The following BOK variants were observed in gnomAD, a reference collection of about 807,000 sequenced individuals.
BOK encodes the protein BCL2 family apoptosis regulator BOK.
A neutral mutation model predicts 18.3 loss-of-function variants in BOK; 20 were observed. That is an observed-to-expected ratio of 1.09 (90% CI 0.77 to 1.59). BOK has a LOEUF of 1.59. BOK is among the 40% of genes most tolerant of loss of function. The pLI, the probability that BOK is intolerant of heterozygous loss-of-function variation, is 0.00. For synonymous variants in BOK, 173 were observed against 142.4 expected, an observed-to-expected ratio of 1.21 and a Z score of -1.53; for missense variants, 348 against 307.9, an observed-to-expected ratio of 1.13 and a Z score of -0.97.
rs2125054930 is a variant in BOK at position 241,570,103 on chromosome 2, T to C, written c.350-22T>C. The C allele has an allele frequency of 1.9e-6, 3 of 1,606,582 alleles. No homozygotes were observed. In the South Asian group the frequency reaches 3.3e-5, roughly 18 times the overall value. ...CGTGGGCGGGATTCAAGTCCTGATC[T>C]TGACCATCTCTCTCCCTGCAGGCAT... On this transcript the variant is annotated intron_variant, in intron 3 of 4. Coordinates refer to ENST00000318407, the MANE Select transcript of BOK (RefSeq NM_032515.5).
rs1010798570 is a variant in BOK, at chr2:241,562,939, G to T, written c.349+463G>T. On this transcript the variant is annotated intron_variant, in intron 3 of 4. Transcript: ENST00000318407. This position sits in a 1 kb window ranked among gnomAD's most constrained non-coding sequence, Gnocchi z 4.5. The stretch of plus-strand genomic sequence containing the variant: ...GCCAGGCTGTTAGGATATACCCTCA[G>T]AAGTCACGGGTAACTCTGCTGGATT... Among the ~76,000 whole-genome samples, 8 of 152,210 alleles carry T rather than the reference G, an allele frequency of 5.3e-5. No individual in the cohort carries two copies. The highest frequency in any genetic ancestry group is 8.8e-5 in the Non-Finnish European group (6 of 68,036).
intron 2 of BOK, among the ~76,000 whole-genome samples, chr2:241,561,418 A>C (rs1367520981): frequency 7.1e-3 from 834 of 118,168 alleles, no homozygotes; most frequent in Middle Eastern, 0.04. Flanking sequence ...CGTGGCAGTG[A>C]GGGTGGCCCA....
upstream of BOK, among the ~76,000 whole-genome samples, chr2:241,554,579 T>G (rs901885733): frequency 6.6e-6 from 1 of 152,158 alleles, no homozygotes; most frequent in Non-Finnish European, 1.5e-5. Flanking sequence ...GGCTTGGAAA[T>G]GGACAGAGTA....
intron 2 of BOK, chr2:241,560,403 A>G (rs2066508948): frequency 1.5e-6 from 1 of 651,194 alleles, no homozygotes; most frequent in Non-Finnish European, 1.9e-6. Flanking sequence ...GAGCCCGGGA[A>G]GGGGAGGTGA....
At chr2:241,560,690 A>T (rs964269819) in intron 2 of BOK, among the ~76,000 whole-genome samples, 4 of 152,050 alleles carry the variant, frequency 2.6e-5, no homozygotes, top group Non-Finnish European at 5.9e-5. Flanking sequence ...AAGGAGGGAG[A>T]GGTCTCTGGG....
upstream of BOK, among the ~76,000 whole-genome samples, chr2:241,558,060 C>G (rs1307619460): frequency 5.3e-5 from 8 of 151,840 alleles, 1 homozygote; most frequent in African/African-American, 1.9e-4. Flanking sequence ...CCGAGACACA[C>G]ACACACACAC....
chr2:241,555,419 A>C (rs1301471776), upstream of BOK, among the ~76,000 whole-genome samples: 1 of 149,114 alleles, frequency 6.7e-6, no homozygotes, highest in Non-Finnish European at 1.5e-5. Context: ...TCTGTTGCCC[A>C]GGCTGGAGTG....
intron 4 of BOK, among the ~76,000 whole-genome samples, chr2:241,571,466 C>T (rs945413234): frequency 1.3e-5 from 2 of 152,156 alleles, no homozygotes; most frequent in African/African-American, 4.8e-5. Context: ...TTTAGCATCT[C>T]GAGAGATTGA....
In BOK at chr2:241,573,710, C is replaced by T. The variant is rs2066758748; in HGVS notation, c.*1288C>T. ...CAGTGGAGGGTGAGGGTGACCCCAT[C>T]TGCTATTTTTGTGCTCATCCTCATA... On this transcript the variant is annotated 3_prime_UTR_variant, in exon 5 of 5. Coordinates refer to ENST00000318407, the MANE Select transcript of BOK (RefSeq NM_032515.5). The T allele has an allele frequency of 6.6e-6, 1 of 152,336 alleles. No homozygotes were observed. The allele number at this position is 152,336 out of a possible 1,614,324, so 9.4% of individuals were successfully genotyped here.
Position 241,562,452 on chromosome 2 carries a change from G to A in BOK, c.325G>A (p.Val109Met), listed in dbSNP as rs778596750. Residue 109 changes from valine (V) to methionine (M), a missense_variant, in exon 3 of 5, where the codon GTG becomes ATG. Physicochemically the swap from Val to Met is conservative, Grantham distance 21. Coordinates refer to ENST00000318407, the MANE Select transcript of BOK (RefSeq NM_032515.5). The surrounding 1 kb of genome is among the most constrained non-coding windows in gnomAD (Gnocchi z 4.5). ...TGTGGTGACCGATGCGTTCCTGGCC[G>A]TGGCTGGCCACATCTTCTCTGCAGG... is the stretch of plus-strand genomic sequence containing the variant. ...EPVVTDAFLAVAGHIFSAGIT... is the reference protein window; with the variant it reads ...EPVVTDAFLAMAGHIFSAGIT... The A allele has an allele frequency of 9.9e-6, 16 of 1,611,404 alleles. No individual in the cohort carries two copies. Among genetic ancestry groups the A allele is most frequent in the Admixed American group, 3.3e-5 (2 of 59,866 alleles).
intron 2 of BOK, among the ~76,000 whole-genome samples, chr2:241,561,221 C>T (rs1396633068): frequency 6.6e-6 from 1 of 152,246 alleles, no homozygotes; most frequent in Non-Finnish European, 1.5e-5. Context: ...CTGCGGACTC[C>T]CAATCCCAGG....
upstream of BOK, among the ~76,000 whole-genome samples, chr2:241,558,285 T>C (rs2066470889): frequency 1.3e-5 from 2 of 152,058 alleles, no homozygotes; most frequent in South Asian, 4.1e-4. Flanking sequence ...TAAAAGGAAA[T>C]ACAGGAGGAT....
intron 3 of BOK, among the ~76,000 whole-genome samples, chr2:241,563,730 C>G (rs1408373813): frequency 6.6e-6 from 1 of 152,218 alleles, no homozygotes; most frequent in Admixed American, 6.5e-5. Context: ...CCAGGCAGTC[C>G]TGACAGCAGC....
intron 3 of BOK, among the ~76,000 whole-genome samples, chr2:241,564,583 G>C (rs1016528537): frequency 1.3e-5 from 2 of 152,102 alleles, no homozygotes; most frequent in East Asian, 3.9e-4. Context: ...GTGGGCAGGG[G>C]GCAGGGTTCA....
intron 3 of BOK, among the ~76,000 whole-genome samples, chr2:241,568,593 T>C (rs1465206218): frequency 6.6e-6 from 1 of 152,134 alleles, no homozygotes; most frequent in Non-Finnish European, 1.5e-5. Context: ...AATTTTTGTA[T>C]TTTTAGTAGA....
In BOK at chr2:241,572,335, CCTCCGCTCCCACTGG is replaced by C; in HGVS notation, c.555_569del (p.Arg186_Leu190del). On this transcript the variant is annotated inframe_deletion, in exon 5 of 5. Coordinates refer to ENST00000318407, the MANE Select transcript of BOK (RefSeq NM_032515.5). Reference sequence around the variant, plus strand: ...AGTGTGTGGTCAGCACAGACCCTGGCCTCCGCTCCCACTGGCTGGTGGCTGCACTCTGCAGCTTCG... The same window carrying C: ...AGTGTGTGGTCAGCACAGACCCTGGCCTGGTGGCTGCACTCTGCAGCTTCG... 6.2e-7 allele frequency: 1 copy of C among 1,611,040 alleles called. No homozygotes were observed. The highest frequency in any genetic ancestry group is 2.2e-5 in the East Asian group (1 of 44,866).
rs1388033889 is a variant in BOK, at chr2:241,559,701, T to G, written c.218T>G (p.Leu73Arg). The change falls in exon 2 of 5, where the codon CTG (leucine) becomes CGG (arginine). Residue 73 changes from leucine (L) to arginine (R), a missense_variant and splice_region_variant. By Grantham distance (102) the Leu-to-Arg change is moderately radical. Transcript: ENST00000318407. ...LAEVCAVLLR[L>R]GDELEMIRPS... is the part of the protein sequence containing the mutation. ...GAGGTGTGCGCGGTGCTGCTGCGCCTGGGTGAGTGCGCCCTGGTGGGATCC... is the reference window on the plus strand; with the variant it reads ...GAGGTGTGCGCGGTGCTGCTGCGCCGGGGTGAGTGCGCCCTGGTGGGATCC... 5.3e-6 allele frequency: 7 copies of G among 1,317,464 alleles called. No individual in the cohort carries two copies. The highest frequency in any genetic ancestry group is 4.8e-6 in the Non-Finnish European group (5 of 1,038,804). The allele number at this position is 1,317,464 out of a possible 1,614,324, so 81.6% of individuals were successfully genotyped here. A position where few individuals can be genotyped will look rare whatever the true frequency, so the allele number is the denominator to read the frequency against.
At chr2:241,558,060 C>T (rs1307619460), upstream of BOK, among the ~76,000 whole-genome samples, 1 of 151,844 alleles carries the variant, frequency 6.6e-6, no homozygotes, top group Non-Finnish European at 1.5e-5. Context: ...CCGAGACACA[C>T]ACACACACAC....
chr2:241,571,930 C>T (rs1281615090), intron 4 of BOK, among the ~76,000 whole-genome samples: 1 of 152,232 alleles, frequency 6.6e-6, no homozygotes, highest in Non-Finnish European at 1.5e-5. Flanking sequence ...CCTGTAGCCC[C>T]TGGGGGGCAG....
Sources: allele counts gnomAD v4.1 joint callset (sites outside exome capture counted in the v4.1 genomes callset), GRCh38; gene constraint gnomAD v4.1.1; non-coding constraint Gnocchi (gnomAD v3.1); transcripts MANE v1.5; gene names NCBI Gene and HGNC (gene_info 2026-07-23, HGNC 2026-07-21).